Variants in DNAJC6 observed in about 807,000 individuals in gnomAD.
DNAJC6 encodes DnaJ heat shock protein family (Hsp40) member C6, also known as auxilin.
A neutral mutation model predicts 110.0 loss-of-function variants in DNAJC6; 34 were observed. That is an observed-to-expected ratio of 0.31 (90% CI 0.24 to 0.41). The LOEUF (loss-of-function observed/expected upper bound fraction) is 0.41, where lower values mean the gene tolerates loss of function less well. Ranked by LOEUF, DNAJC6 falls within the 10% of genes least tolerant of loss-of-function variation. DNAJC6 has a pLI of 1.00. For missense variants in DNAJC6, 1,031 were observed against 1,207.8 expected (o/e 0.85, Z 2.17); for synonymous variants, 406 against 437.2 (o/e 0.93, Z 0.89).
intron 11 of DNAJC6, among the ~76,000 whole-genome samples, chr1:65,391,428 C>G (rs1248048885): frequency 2.0e-5 from 3 of 152,106 alleles, no homozygotes; most frequent in Non-Finnish European, 2.9e-5. Context: ...CACTCCTTCC[C>G]CAGAGGAGGC....
At chr1:65,363,267 T>C (rs1645614983) in intron 1 of DNAJC6, among the ~76,000 whole-genome samples, 1 of 152,150 alleles carries the variant, frequency 6.6e-6, no homozygotes, top group South Asian at 2.1e-4. Flanking sequence ...TACTTACTCA[T>C]GCCAAATATT....
At chr1:65,342,981 A>T (rs924307159) in intron 1 of DNAJC6, among the ~76,000 whole-genome samples, 1 of 152,184 alleles carries the variant, frequency 6.6e-6, no homozygotes, top group Admixed American at 6.5e-5. Flanking sequence ...CAACAAAAGC[A>T]TCCCCTCACC....
At chr1:65,273,738 T>A (rs1653578957) in intron 1 of DNAJC6, among the ~76,000 whole-genome samples, 1 of 152,212 alleles carries the variant, frequency 6.6e-6, no homozygotes, top group South Asian at 2.1e-4. Context: ...ACCCATAAGG[T>A]AGTGTAACAA....
intron 4 of DNAJC6, among the ~76,000 whole-genome samples, chr1:65,366,563 T>C (rs1284874918): frequency 6.6e-6 from 1 of 152,220 alleles, no homozygotes; most frequent in Non-Finnish European, 1.5e-5. Context: ...CCCTTCTTTA[T>C]TGCTACTTGG....
At chr1:65,354,886 G>A (rs183863128) in intron 1 of DNAJC6, among the ~76,000 whole-genome samples, 1 of 152,066 alleles carries the variant, frequency 6.6e-6, no homozygotes, top group Non-Finnish European at 1.5e-5. Context: ...TGGACATTCT[G>A]AAGAGTATTC....
rs1646034258 is a variant in DNAJC6 at position 65,401,970 on chromosome 1, A to G, written c.2227+90A>G. ...GTCTTTGGTGTTACAGCAAGCTGGTATTGTCACCTGGAACCTCAAATAGTG... is the reference window on the plus strand; with the variant it reads ...GTCTTTGGTGTTACAGCAAGCTGGTGTTGTCACCTGGAACCTCAAATAGTG... On this transcript the variant is annotated intron_variant, in intron 15 of 18. Coordinates refer to ENST00000371069, the MANE Select transcript of DNAJC6 (RefSeq NM_001256864.2). The G allele has an allele frequency of 3.2e-6, 5 of 1,546,436 alleles. No homozygotes were observed. The East Asian group carries it at 9.4e-5, about 29-fold the overall frequency.
chr1:65,392,365 T>G, intron 11 of DNAJC6, 66 bp from the exon 12 acceptor site: 1 of 1,414,862 alleles, frequency 7.1e-7, no homozygotes, highest in Non-Finnish European at 9.5e-7. Context: ...TATACATATA[T>G]TATAACAAAA....
At chr1:65,305,145 T>C (rs1645025951), upstream of DNAJC6, among the ~76,000 whole-genome samples, 1 of 152,230 alleles carries the variant, frequency 6.6e-6, no homozygotes, top group African/African-American at 2.4e-5. Context: ...ATATATTTTG[T>C]AACAGAGAGA....
intron 4 of DNAJC6, among the ~76,000 whole-genome samples, chr1:65,369,123 C>T (rs1645681389): frequency 6.6e-6 from 1 of 152,158 alleles, no homozygotes; most frequent in Middle Eastern, 3.4e-3. Context: ...CCACATGCCA[C>T]GAGGCTTTTC....
Position 65,380,911 on chromosome 1 carries a change from G to GTTTT in DNAJC6, c.666+1388_666+1391dup, listed in dbSNP as rs1312055301. On this transcript the variant is annotated intron_variant, in intron 5 of 18. Transcript: ENST00000371069. ...GGGAGTTTTTTTTTTTTTGTTTTTTGTTTTGTTTTGTTTTTTTTTTTTTTT... is the reference window on the plus strand; with the variant it reads ...GGGAGTTTTTTTTTTTTTGTTTTTTGTTTTTTTTGTTTTGTTTTTTTTTTTTTTT... 4.6e-4 allele frequency among the ~76,000 whole-genome samples: 53 copies of GTTTT among 114,894 alleles called. 7 individuals carry two copies. Among genetic ancestry groups the GTTTT allele is most frequent in the African/African-American group, 1.8e-3 (41 of 23,298 alleles). 75.4% of individuals were successfully genotyped at this position (114,894 alleles called of 152,430 possible). A position where few individuals can be genotyped will look rare whatever the true frequency, so the allele number is the denominator to read the frequency against.
At chr1:65,311,653 CTGAA>C (rs1359716491) in intron 1 of DNAJC6, among the ~76,000 whole-genome samples, 1 of 152,142 alleles carries the variant, frequency 6.6e-6, no homozygotes, top group Non-Finnish European at 1.5e-5. Flanking sequence ...TTCATGTTCT[CTGAA>C]TGATGCCACC....
chr1:65,365,401 C>G (rs1406122999), intron 2 of DNAJC6, among the ~76,000 whole-genome samples: 1 of 152,126 alleles, frequency 6.6e-6, no homozygotes, highest in African/African-American at 2.4e-5. Context: ...GAAATTCAAA[C>G]GTCAAGTACA....
intron 1 of DNAJC6, among the ~76,000 whole-genome samples, chr1:65,301,413 A>G (rs1351616147): frequency 6.6e-6 from 1 of 152,128 alleles, no homozygotes; most frequent in African/African-American, 2.4e-5. Flanking sequence ...GATAAGTGTC[A>G]GATACCACTG....
intron 1 of DNAJC6, among the ~76,000 whole-genome samples, chr1:65,280,678 C>T (rs1211317129): frequency 3.3e-5 from 5 of 152,156 alleles, no homozygotes; most frequent in Non-Finnish European, 7.3e-5. Context: ...ATGAAGAAAT[C>T]CATTGGCCTG....
chr1:65,413,114 T>A lies in DNAJC6; in HGVS notation c.*89T>A. The A allele has an allele frequency of 9.3e-7, 1 of 1,070,102 alleles. No homozygotes were observed. Among genetic ancestry groups the A allele is most frequent in the Admixed American group, 2.1e-5 (1 of 48,240 alleles). 66.3% of individuals were successfully genotyped at this position (1,070,102 alleles called of 1,614,324 possible). On this transcript the variant is annotated 3_prime_UTR_variant, in exon 19 of 19. Coordinates refer to ENST00000371069, the MANE Select transcript of DNAJC6 (RefSeq NM_001256864.2). ...AGGTTTTCGCAGATGAACCAAAAACTCCAGTAACATGTTTTCAGTACTAAA... is the reference window on the plus strand; with the variant it reads ...AGGTTTTCGCAGATGAACCAAAAACACCAGTAACATGTTTTCAGTACTAAA...
Position 65,388,434 on chromosome 1 carries a change from A to G in DNAJC6, c.1193+19A>G. ...TCACCAAGTAAGTACTGGTTGGGCC[A>G]AAAGTCTATTTGAATCAAATTAGCT... is the stretch of plus-strand genomic sequence containing the variant. On this transcript the variant is annotated intron_variant, in intron 9 of 18. Coordinates refer to ENST00000371069, the MANE Select transcript of DNAJC6 (RefSeq NM_001256864.2). 2 of 1,608,938 alleles carry G rather than the reference A, an allele frequency of 1.2e-6. No individual in the cohort carries two copies. The highest frequency in any genetic ancestry group is 1.7e-6 in the Non-Finnish European group (2 of 1,175,598).
In DNAJC6 at chr1:65,413,188, G is replaced by A. The variant is rs552639512; in HGVS notation, c.*163G>A. ...TTTCTCATTGATAAGGAATGTGGATGTTTGGTTTCTCCAAAGTTCCCACCA... is the reference window on the plus strand; with the variant it reads ...TTTCTCATTGATAAGGAATGTGGATATTTGGTTTCTCCAAAGTTCCCACCA... On this transcript the variant is annotated 3_prime_UTR_variant, in exon 19 of 19. Coordinates refer to ENST00000371069, the MANE Select transcript of DNAJC6 (RefSeq NM_001256864.2). The A allele has an allele frequency of 5.1e-6, 3 of 588,814 alleles. No individual in the cohort carries two copies. The East Asian group carries it at 9.4e-5, about 18-fold the overall frequency. The allele number at this position is 588,814 out of a possible 1,614,324, so 36.5% of individuals were successfully genotyped here. A position where few individuals can be genotyped will look rare whatever the true frequency, so the allele number is the denominator to read the frequency against.
chr1:65,277,437 C>T (rs1011770534), intron 1 of DNAJC6, among the ~76,000 whole-genome samples: 6 of 152,182 alleles, frequency 3.9e-5, no homozygotes, highest in Admixed American at 3.3e-4. Context: ...TTGTAATTGT[C>T]GACTCTCACC....
chr1:65,331,897 A>G (rs1003408153), intron 1 of DNAJC6, among the ~76,000 whole-genome samples: 3 of 152,160 alleles, frequency 2.0e-5, no homozygotes, highest in African/African-American at 7.2e-5. Context: ...GACTTATTCC[A>G]TGTGGTAATG....
Sources: gnomAD v4.1 joint callset for allele counts (sites outside exome capture counted in the v4.1 genomes callset) on GRCh38, gnomAD v4.1.1 for gene constraint, MANE v1.5 for transcripts, NCBI Gene and HGNC (gene_info 2026-07-23, HGNC 2026-07-21) for gene names.